The following NOVA1 variants were observed in gnomAD, a reference collection of about 807,000 sequenced individuals.
NOVA1 encodes the protein RNA-binding protein Nova-1.
NOVA1 carries 7 observed loss-of-function variants against 38.0 expected under a neutral mutation model. The observed-to-expected ratio is 0.18, with a 90% confidence interval of 0.10 to 0.35. NOVA1 has a LOEUF of 0.35. Ranked by LOEUF, NOVA1 falls within the 10% of genes least tolerant of loss-of-function variation. NOVA1 has a pLI of 1.00. For synonymous variants in NOVA1, 270 were observed against 232.5 expected (o/e 1.16, Z -1.47); for missense variants, 460 against 616.0 (o/e 0.75, Z 2.68).
At chr14:26,452,865 T>C (rs1327863686) in intron 4 of NOVA1, among the ~76,000 whole-genome samples, 1 of 152,182 alleles carries the variant, frequency 6.6e-6, no homozygotes, top group Non-Finnish European at 1.5e-5. Context: ...AGGATATATA[T>C]GACATTGTTC....
intron 2 of NOVA1, among the ~76,000 whole-genome samples, chr14:26,582,459 T>A (rs2138773332): frequency 6.6e-6 from 1 of 151,912 alleles, no homozygotes; most frequent in Middle Eastern, 3.4e-3. Context: ...TTTATTGCAG[T>A]TTGCTTTTTA....
In NOVA1 at chr14:26,463,545, C is replaced by T. The variant is rs150744552; in HGVS notation, c.519+8775G>A. Reference sequence around the variant, plus strand: ...TTTTATATTGGGTTTTCATATGAACCTAGGAGTTCTTTGTATAGCCGTGAT... The same window carrying T: ...TTTTATATTGGGTTTTCATATGAACTTAGGAGTTCTTTGTATAGCCGTGAT... On this transcript the variant is annotated intron_variant, in intron 4 of 4. Transcript: ENST00000539517. Among the ~76,000 whole-genome samples the T allele has an allele frequency of 2.5e-3, 380 of 152,140 alleles. 1 individual carries two copies. Among genetic ancestry groups the T allele is most frequent in the African/African-American group, 8.6e-3 (359 of 41,514 alleles).
At chr14:26,550,024 T>C (rs1891068396) in intron 2 of NOVA1, among the ~76,000 whole-genome samples, 2 of 152,294 alleles carry the variant, frequency 1.3e-5, no homozygotes, top group Admixed American at 6.5e-5. Context: ...ATGCTAAGAA[T>C]GGTTGCAGGA....
intron 2 of NOVA1, among the ~76,000 whole-genome samples, chr14:26,524,306 A>T (rs2138518206): frequency 6.6e-6 from 1 of 152,232 alleles, no homozygotes; most frequent in East Asian, 1.9e-4. Context: ...AGACCAATTA[A>T]CTTCTTAAAT....
At chr14:26,481,669 A>G (rs974126345) in intron 2 of NOVA1, among the ~76,000 whole-genome samples, 10 of 152,142 alleles carry the variant, frequency 6.6e-5, no homozygotes, top group African/African-American at 2.4e-4. Flanking sequence ...CCTGAAAAAC[A>G]TAATGTGAGT....
At chr14:26,568,451 A>G (rs1204097305) in intron 2 of NOVA1, 1 of 152,210 alleles carries the variant, frequency 6.6e-6, no homozygotes, top group Non-Finnish European at 1.5e-5. Flanking sequence ...ATAGACGTAT[A>G]TATTTCCAGG....
At chr14:26,554,695 C>A (rs1379915077) in intron 2 of NOVA1, among the ~76,000 whole-genome samples, 1 of 152,080 alleles carries the variant, frequency 6.6e-6, no homozygotes, top group Non-Finnish European at 1.5e-5. Context: ...CTTAATTCAC[C>A]ATCCCAATTC....
At chr14:26,469,270 A>T (rs1336243296) in intron 4 of NOVA1, among the ~76,000 whole-genome samples, 1 of 152,178 alleles carries the variant, frequency 6.6e-6, no homozygotes, top group Non-Finnish European at 1.5e-5. Context: ...GGCAACAAGT[A>T]ACTGAGTATT....
At chr14:26,515,864 A>G (rs1167861490) in intron 2 of NOVA1, among the ~76,000 whole-genome samples, 1 of 152,064 alleles carries the variant, frequency 6.6e-6, no homozygotes, top group Admixed American at 6.6e-5. Flanking sequence ...CTATTTTAAC[A>G]CTTACTGAGG....
rs760912752 is a variant in NOVA1 at position 26,579,732 on chromosome 14, T to C, written c.280+15678A>G. ...CTCATGGAAAATACTTGCTAAGGAA[T>C]GGAAAGGAATAAAAAAAGTGGCCTC... On this transcript the variant is annotated intron_variant, in intron 2 of 4. Transcript: ENST00000539517. 8.0e-4 allele frequency among the ~76,000 whole-genome samples: 121 copies of C among 152,076 alleles called. 1 individual carries two copies. Among genetic ancestry groups the C allele is most frequent in the Non-Finnish European group, 1.9e-4 (13 of 67,972 alleles).
chr14:26,529,835 G>T (rs1362122086), intron 2 of NOVA1, among the ~76,000 whole-genome samples: 1 of 152,100 alleles, frequency 6.6e-6, no homozygotes, highest in Non-Finnish European at 1.5e-5. Context: ...TTTTCATGTT[G>T]TCCTTTTCCT....
At chr14:26,549,366 T>C (rs2138633754) in intron 2 of NOVA1, 1 of 148,554 alleles carries the variant, frequency 6.7e-6, no homozygotes, top group South Asian at 2.1e-4. Context: ...TTTAAGAACA[T>C]GGCTCTGAAA....
chr14:26,558,837 A>G (rs1891646783), intron 2 of NOVA1, among the ~76,000 whole-genome samples: 1 of 152,144 alleles, frequency 6.6e-6, no homozygotes, highest in Non-Finnish European at 1.5e-5. Context: ...TTCAAACCAT[A>G]CTTATATCAT....
intron 2 of NOVA1, among the ~76,000 whole-genome samples, chr14:26,481,985 A>C (rs1325496865): frequency 1.5e-5 from 1 of 66,550 alleles, no homozygotes; most frequent in Non-Finnish European, 3.9e-5. Flanking sequence ...ACTTAGATAG[A>C]GATAAAAAAA....
intron 2 of NOVA1, among the ~76,000 whole-genome samples, chr14:26,591,813 T>C (rs958011860): frequency 1.3e-5 from 2 of 151,272 alleles, no homozygotes; most frequent in Non-Finnish European, 3.0e-5. Flanking sequence ...TAATGGTTTG[T>C]GTTTTTTTTA....
intron 2 of NOVA1, among the ~76,000 whole-genome samples, chr14:26,540,029 A>G (rs1202547152): frequency 6.6e-6 from 1 of 152,162 alleles, no homozygotes; most frequent in African/African-American, 2.4e-5. Flanking sequence ...AACATTTCCA[A>G]GGAAGCTTGT....
In NOVA1 at chr14:26,472,387, A is replaced by C; in HGVS notation, c.452T>G (p.Leu151Trp). Reference protein sequence around the residue: ...TVNPDRIKQTLPSSPTTTKSS... With the variant: ...TVNPDRIKQTWPSSPTTTKSS... ...CTTGGTGGTAGTTGGGGAAGATGGC[A>C]ATGTCTGGGAAACAAAGCAGTTCAG... Residue 151 changes from leucine to tryptophan, a missense_variant, in exon 4 of 5, where the codon TTG becomes TGG. Coordinates refer to ENST00000539517, the MANE Select transcript of NOVA1 (RefSeq NM_002515.3). 6.6e-7 allele frequency: 1 copy of C among 1,523,582 alleles called. No homozygotes were observed. Among genetic ancestry groups the C allele is most frequent in the Non-Finnish European group, 8.9e-7 (1 of 1,127,724 alleles). 94.4% of individuals were successfully genotyped at this position (1,523,582 alleles called of 1,614,324 possible).
intron 2 of NOVA1, among the ~76,000 whole-genome samples, chr14:26,559,221 A>C (rs1891671418): frequency 6.6e-6 from 1 of 152,128 alleles, no homozygotes; most frequent in South Asian, 2.1e-4. Context: ...TAAAAAGAGA[A>C]ATAGTAATCA....
intron 2 of NOVA1, among the ~76,000 whole-genome samples, chr14:26,543,047 T>G (rs178172): frequency 1 from 152,011 of 152,018 alleles, 76,002 homozygotes; most frequent in Non-Finnish European, 1. Context: ...GAATTGGAAT[T>G]CTCCTAACAC....
Sources: gnomAD v4.1 joint callset for allele counts (sites outside exome capture counted in the v4.1 genomes callset) on GRCh38, gnomAD v4.1.1 for gene constraint, MANE v1.5 for transcripts, NCBI Gene and HGNC (gene_info 2026-07-23, HGNC 2026-07-21) for gene names.